LOC128462377: variants seen among roughly 807,000 people sequenced by gnomAD.
chr16:89,327,420 G>A, the LOC128462377 span, among the ~76,000 whole-genome samples: 2 of 152,042 alleles, frequency 1.3e-5, no homozygotes, highest in Admixed American at 6.6e-5. Context: ...GGAAGAAATG[G>A]AATAAAACTG....
chr16:89,318,505 G>T, the LOC128462377 span, among the ~76,000 whole-genome samples: 2 of 152,202 alleles, frequency 1.3e-5, no homozygotes, highest in Non-Finnish European at 2.9e-5. Flanking sequence ...TCGCTCCCCT[G>T]CATTTACCCA....
At chr16:89,329,182 A>G in the LOC128462377 span, among the ~76,000 whole-genome samples, 1 of 151,812 alleles carries the variant, frequency 6.6e-6, no homozygotes, top group Non-Finnish European at 1.5e-5. Context: ...ACAGGCGGGG[A>G]CTCCGTGAGG....
At chr16:89,323,033 G>A in the LOC128462377 span, 201 of 305,332 alleles carry the variant, frequency 6.6e-4, 1 homozygote, top group African/African-American at 4.3e-3. Flanking sequence ...CTGTGGAGTC[G>A]GGTTTCGCCA....
chr16:89,373,061 T>C, the LOC128462377 span: 1 of 152,232 alleles, frequency 6.6e-6, no homozygotes, highest in South Asian at 2.1e-4. Flanking sequence ...TCTGTCCCCA[T>C]TGTCGCTGTC....
the LOC128462377 span, among the ~76,000 whole-genome samples, chr16:89,374,525 G>A: frequency 1.3e-5 from 2 of 152,148 alleles, no homozygotes; most frequent in Non-Finnish European, 2.9e-5. Flanking sequence ...ATTCAGAGCC[G>A]ATGGCCTCTG....
chr16:89,325,902 A>T, the LOC128462377 span, among the ~76,000 whole-genome samples: 3 of 152,164 alleles, frequency 2.0e-5, no homozygotes, highest in Admixed American at 1.3e-4. Context: ...TGGGACCCTC[A>T]AGGGCATGAG....
the LOC128462377 span, among the ~76,000 whole-genome samples, chr16:89,355,989 T>A: frequency 6.6e-6 from 1 of 151,982 alleles, no homozygotes; most frequent in Non-Finnish European, 1.5e-5. Flanking sequence ...GGTGGGAGGA[T>A]CACATGAGCC....
chr16:89,342,794 G>GA, the LOC128462377 span, among the ~76,000 whole-genome samples: 1 of 152,140 alleles, frequency 6.6e-6, no homozygotes, highest in Non-Finnish European at 1.5e-5. Context: ...GTTAAAACAT[G>GA]AAAAACATTA....
the LOC128462377 span, among the ~76,000 whole-genome samples, chr16:89,415,544 G>A: frequency 6.6e-6 from 1 of 151,848 alleles, no homozygotes; most frequent in Non-Finnish European, 1.5e-5. Flanking sequence ...GATTACAGGT[G>A]TGAGCCACTG....
At chr16:89,375,101 G>A in the LOC128462377 span, among the ~76,000 whole-genome samples, 4 of 152,036 alleles carry the variant, frequency 2.6e-5, no homozygotes, top group African/African-American at 9.7e-5. Context: ...TAACGTCGCA[G>A]GCTCAAGCAG....
the LOC128462377 span, among the ~76,000 whole-genome samples, chr16:89,342,829 C>T: frequency 9.4e-3 from 1,439 of 152,276 alleles, 10 homozygotes; most frequent in Middle Eastern, 0.027. Flanking sequence ...AACTTTTGTT[C>T]CCTCAGAGTG....
At chr16:89,317,148 A>T in the LOC128462377 span, 3 of 996,946 alleles carry the variant, frequency 3.0e-6, no homozygotes, top group Non-Finnish European at 4.6e-6. Context: ...CTCACACCGC[A>T]CTCAACAGAC....
the LOC128462377 span, chr16:89,324,140 G>A: frequency 1.1e-6 from 1 of 933,134 alleles, no homozygotes; most frequent in Non-Finnish European, 1.4e-6. Flanking sequence ...GCTCTCTACT[G>A]CAGCCCTGTT....
the LOC128462377 span, among the ~76,000 whole-genome samples, chr16:89,417,135 A>T: frequency 3.3e-5 from 5 of 152,234 alleles, no homozygotes; most frequent in Non-Finnish European, 5.9e-5. Context: ...TTCCAAGGAA[A>T]GAATTCAGTC....
the LOC128462377 span, among the ~76,000 whole-genome samples, chr16:89,381,371 G>T: frequency 6.9e-6 from 1 of 143,952 alleles, no homozygotes; most frequent in Non-Finnish European, 1.5e-5. Flanking sequence ...AGAAGGGCAA[G>T]CAAGAGTTCA....
At chr16:89,351,146 G>C in the LOC128462377 span, among the ~76,000 whole-genome samples, 2 of 152,240 alleles carry the variant, frequency 1.3e-5, no homozygotes, top group South Asian at 4.1e-4. Context: ...ACGATGGCGG[G>C]CACAAGAGCT....
At chr16:89,413,580 G>T in the LOC128462377 span, among the ~76,000 whole-genome samples, 1 of 152,076 alleles carries the variant, frequency 6.6e-6, no homozygotes, top group Non-Finnish European at 1.5e-5. Flanking sequence ...AGCCGAGGTC[G>T]CACCACTGCA....
the LOC128462377 span, among the ~76,000 whole-genome samples, chr16:89,401,566 T>C: frequency 6.6e-6 from 1 of 152,202 alleles, no homozygotes; most frequent in South Asian, 2.1e-4. Flanking sequence ...CAGGCGATTT[T>C]TACTTTCTTC....
At chr16:89,319,857 C>G in the LOC128462377 span, 1 of 152,530 alleles carries the variant, frequency 6.6e-6, no homozygotes, top group Non-Finnish European at 1.5e-5. Context: ...TGCTTTTGTT[C>G]TGTTCCAAGA....
Sources: allele counts gnomAD v4.1 joint callset (sites outside exome capture counted in the v4.1 genomes callset), GRCh38; gene constraint gnomAD v4.1.1; transcripts MANE v1.5.